PTCHD4: variants seen among roughly 807,000 people sequenced by gnomAD.
PTCHD4 encodes the protein patched domain-containing protein 4.
A neutral mutation model predicts 58.1 loss-of-function variants in PTCHD4; 33 were observed. That is an observed-to-expected ratio of 0.57 (90% CI 0.43 to 0.76). The LOEUF (loss-of-function observed/expected upper bound fraction) is 0.76. Among genes scored for constraint, PTCHD4 ranks in the 30% least tolerant of loss-of-function variants. The probability of loss-of-function intolerance (pLI) is 0.00; values close to 1 mark genes in which losing one functional copy is unlikely to be tolerated. For synonymous variants in PTCHD4, 478 were observed against 409.6 expected (o/e 1.17, Z -2.02); for missense variants, 1,058 against 1,027.1 (o/e 1.03, Z -0.41).
chr6:48,059,034 A>G (rs1189509394), intron 3 of PTCHD4, among the ~76,000 whole-genome samples: 1 of 152,222 alleles, frequency 6.6e-6, no homozygotes, highest in Non-Finnish European at 1.5e-5. Context: ...TCAATGCTGA[A>G]GGTCAACGCT....
In PTCHD4 at chr6:47,859,684, A is replaced by T. The variant is rs1763376304; in HGVS notation, c.*18619T>A. On this transcript the variant is annotated 3_prime_UTR_variant, in exon 5 of 5. Transcript: ENST00000339488. ...AGAGCTTTCAATTTACTGGGGACAG[A>T]CAGACAATAAACAAATCCCATGACA... Among the ~76,000 whole-genome samples the T allele has an allele frequency of 6.6e-6, 1 of 152,064 alleles. No homozygotes were observed. Among genetic ancestry groups the T allele is most frequent in the Non-Finnish European group, 1.5e-5 (1 of 67,986 alleles).
intron 3 of PTCHD4, among the ~76,000 whole-genome samples, chr6:48,013,457 G>A (rs969900219): frequency 6.8e-6 from 1 of 147,584 alleles, no homozygotes; most frequent in Admixed American, 6.8e-5. Flanking sequence ...GGAATCAAAT[G>A]GAAATTTTGG....
chr6:47,917,301 A>G (rs1157122142), intron 4 of PTCHD4, among the ~76,000 whole-genome samples: 1 of 152,182 alleles, frequency 6.6e-6, no homozygotes, highest in Non-Finnish European at 1.5e-5. Context: ...GAAGGTAAGT[A>G]AATTGCTCAA....
chr6:47,914,419 G>C (rs1283330896), intron 4 of PTCHD4, among the ~76,000 whole-genome samples: 1 of 152,006 alleles, frequency 6.6e-6, no homozygotes, highest in Non-Finnish European at 1.5e-5. Context: ...GGTGAGAGTA[G>C]AACAAAAGGC....
chr6:48,027,640 G>T (rs1201060694), intron 3 of PTCHD4, among the ~76,000 whole-genome samples: 2 of 151,992 alleles, frequency 1.3e-5, no homozygotes, highest in African/African-American at 4.8e-5. Flanking sequence ...ATAAATTAAA[G>T]TTCATAAACT....
chr6:47,960,272 A>G (rs898069954), intron 4 of PTCHD4, among the ~76,000 whole-genome samples: 8 of 152,156 alleles, frequency 5.3e-5, no homozygotes, highest in African/African-American at 1.4e-4. Context: ...AGCACTCTAT[A>G]TATGCTGATA....
At chr6:48,032,890 A>G (rs748428074) in intron 3 of PTCHD4, among the ~76,000 whole-genome samples, 4 of 151,968 alleles carry the variant, frequency 2.6e-5, no homozygotes, top group Non-Finnish European at 4.4e-5. Context: ...TTATTTCTCT[A>G]CCTTTTTACT....
At chr6:47,974,044 T>G (rs1767606188) in intron 4 of PTCHD4, among the ~76,000 whole-genome samples, 2 of 152,086 alleles carry the variant, frequency 1.3e-5, no homozygotes, top group Admixed American at 1.3e-4. Flanking sequence ...GGCAATACAA[T>G]TAATTGGGCC....
intron 1 of PTCHD4, among the ~76,000 whole-genome samples, 83 bp downstream of exon 1, chr6:48,110,966 T>C (rs1582151014): frequency 6.6e-6 from 1 of 152,026 alleles, no homozygotes; most frequent in South Asian, 2.1e-4. Context: ...ACACATGCAT[T>C]GTTCACTGTT....
At position 48,068,375 on chromosome 6, in the gene PTCHD4, AG is replaced by A; in HGVS notation, c.271del (p.Leu91TrpfsTer21). On this transcript the variant is annotated frameshift_variant, in exon 3 of 5. Coordinates refer to ENST00000339488, the MANE Select transcript of PTCHD4 (RefSeq NM_001384253.1). LOFTEE classifies it high-confidence loss of function. This position sits in a 1 kb window ranked among gnomAD's most constrained non-coding sequence, Gnocchi z 4.2. ...ERSLASSLFP[L>X]DQSKSQLYSD... Reference sequence around the variant, plus strand: ...ATAGAGCTGGCTTTTGGACTGGTCCAGGGGGAAAAGGCTGCTGGCCAGGCTG... The same window carrying A: ...ATAGAGCTGGCTTTTGGACTGGTCCAGGGGAAAAGGCTGCTGGCCAGGCTG... 1 of 1,613,926 alleles carries A rather than the reference AG, an allele frequency of 6.2e-7. No individual in the cohort carries two copies. The highest frequency in any genetic ancestry group is 8.5e-7 in the Non-Finnish European group (1 of 1,179,864).
intron 3 of PTCHD4, among the ~76,000 whole-genome samples, chr6:48,035,860 G>A (rs906171723): frequency 5.9e-5 from 9 of 151,956 alleles, no homozygotes; most frequent in Admixed American, 1.3e-4. Context: ...ATAAACACCC[G>A]TCCTGCTCCT....
intron 3 of PTCHD4, among the ~76,000 whole-genome samples, chr6:48,046,728 A>T (rs1445224269): frequency 2.0e-5 from 3 of 151,862 alleles, no homozygotes; most frequent in African/African-American, 7.2e-5. Flanking sequence ...CTAATTTATT[A>T]TACAACTTGT....
chr6:48,019,131 G>A lies in PTCHD4; in HGVS notation c.418-10017C>T, dbSNP rs79952292. Among the ~76,000 whole-genome samples the A allele has an allele frequency of 5.4e-3, 821 of 152,252 alleles. 8 individuals carry two copies. Among genetic ancestry groups the A allele is most frequent in the African/African-American group, 0.019 (777 of 41,556 alleles). On this transcript the variant is annotated intron_variant, in intron 3 of 4. Transcript: ENST00000339488. The stretch of plus-strand genomic sequence containing the variant: ...AAAGTTACGGAAGATGAGAACCTTC[G>A]GCATTCTAGGTACCTTCATGGGGTG...
At chr6:47,932,505 T>C (rs541467981) in intron 4 of PTCHD4, among the ~76,000 whole-genome samples, 1 of 152,340 alleles carries the variant, frequency 6.6e-6, no homozygotes, top group East Asian at 1.9e-4. Flanking sequence ...TTTTATTTCT[T>C]TCTGACATGT....
chr6:47,911,567 G>T (rs1765070342), intron 4 of PTCHD4, among the ~76,000 whole-genome samples: 2 of 152,112 alleles, frequency 1.3e-5, no homozygotes, highest in African/African-American at 4.8e-5. Flanking sequence ...AAAGGATGAT[G>T]TCCAGGTTTT....
rs1182341738 is a variant in PTCHD4, at chr6:47,878,808, A to G, written c.2027T>C (p.Val676Ala). 2 of 1,613,668 alleles carry G rather than the reference A, an allele frequency of 1.2e-6. No individual in the cohort carries two copies. The highest frequency in any genetic ancestry group is 1.7e-6 in the Non-Finnish European group (2 of 1,179,764). The change falls in exon 5 of 5, where the codon GTG becomes GCG. Residue 676 changes from valine (V) to alanine (A), a missense_variant. Transcript: ENST00000339488. ...CCAGAAGTTTCCCAGAGGGTGGATC[A>G]CTAGGAAAAAAGTCAGGATTAACAC... is the stretch of plus-strand genomic sequence containing the variant. ...LLVLILTFFLVIHPLGNFWLI... is the reference protein window; with the variant it reads ...LLVLILTFFLAIHPLGNFWLI...
intron 3 of PTCHD4, among the ~76,000 whole-genome samples, chr6:48,021,139 T>C (rs1381131856): frequency 6.6e-6 from 1 of 152,154 alleles, no homozygotes; most frequent in East Asian, 1.9e-4. Context: ...AAAAATAGTA[T>C]AAAATCTATA....
rs1215998811 is a variant in PTCHD4, at chr6:47,878,157, C to A, written c.*146G>T. On this transcript the variant is annotated 3_prime_UTR_variant, in exon 5 of 5. Coordinates refer to ENST00000339488, the MANE Select transcript of PTCHD4 (RefSeq NM_001384253.1). ...TTCCCTCTTCCCCCCAAGAAGCAGG[C>A]ACCTTGAAGTGTCATGAATAATGCA... 3 of 605,238 alleles carry A rather than the reference C, an allele frequency of 5.0e-6. No homozygotes were observed. The highest frequency in any genetic ancestry group is 3.0e-5 in the Admixed American group (1 of 33,296). The allele number at this position is 605,238 out of a possible 1,614,324, so 37.5% of individuals were successfully genotyped here.
chr6:48,098,162 T>A (rs865974208), intron 1 of PTCHD4, among the ~76,000 whole-genome samples: 12 of 152,220 alleles, frequency 7.9e-5, no homozygotes, highest in Middle Eastern at 3.4e-3. Context: ...TCAAGCATCA[T>A]TAATGTCATG....
Sources: gnomAD v4.1 joint callset for allele counts (sites outside exome capture counted in the v4.1 genomes callset) on GRCh38, gnomAD v4.1.1 for gene constraint, Gnocchi (gnomAD v3.1) non-coding constraint, MANE v1.5 for transcripts, NCBI Gene and HGNC (gene_info 2026-07-23, HGNC 2026-07-21) for gene names.